Variants in ROBO1 observed in about 807,000 individuals in gnomAD.
The protein encoded by ROBO1 is roundabout guidance receptor 1.
Under a neutral mutation model 195.9 loss-of-function variants are expected in ROBO1, and 149 were observed. The observed-to-expected ratio is 0.76, with a 90% CI of 0.67 to 0.87. ROBO1 has a LOEUF of 0.87. Among genes scored for constraint, ROBO1 ranks in the 40% least tolerant of loss-of-function variants. The probability of loss-of-function intolerance (pLI) is 0.00; values close to 1 mark genes in which losing one functional copy is unlikely to be tolerated. For missense variants in ROBO1, 1,933 were observed against 2,068.3 expected (o/e 0.93, Z 1.27); for synonymous variants, 816 against 733.2 (o/e 1.11, Z -1.82).
intron 2 of ROBO1, among the ~76,000 whole-genome samples, chr3:79,454,688 A>G (rs375419886): frequency 1.3e-5 from 2 of 152,254 alleles, no homozygotes; most frequent in South Asian, 2.1e-4. Flanking sequence ...TTCTTAAACT[A>G]TAATTTTCCT....
intron 3 of ROBO1, among the ~76,000 whole-genome samples, chr3:78,957,604 A>C (rs1470510073): frequency 1.3e-5 from 2 of 152,170 alleles, no homozygotes; most frequent in Non-Finnish European, 2.9e-5. Flanking sequence ...GAAAAGCCTG[A>C]GTGAGATTAC....
intron 2 of ROBO1, among the ~76,000 whole-genome samples, chr3:79,385,043 T>C (rs890635840): frequency 2.6e-5 from 4 of 152,130 alleles, no homozygotes; most frequent in Non-Finnish European, 4.4e-5. Flanking sequence ...AAGTTAAAGT[T>C]AGCTGAATTT....
At chr3:78,963,684 A>T (rs2041523398) in intron 3 of ROBO1, among the ~76,000 whole-genome samples, 1 of 151,126 alleles carries the variant, frequency 6.6e-6, no homozygotes, top group Non-Finnish European at 1.5e-5. Flanking sequence ...CGCCTGGCTA[A>T]TTTTTTGTAT....
intron 2 of ROBO1, among the ~76,000 whole-genome samples, chr3:79,463,456 C>T (rs931730565): frequency 2.7e-5 from 4 of 150,604 alleles, no homozygotes; most frequent in Non-Finnish European, 5.9e-5. Flanking sequence ...TGTCATTACT[C>T]AAGTGATGTG....
At chr3:79,029,031 A>C (rs2078249654) in intron 3 of ROBO1, among the ~76,000 whole-genome samples, 1 of 152,054 alleles carries the variant, frequency 6.6e-6, no homozygotes, top group African/African-American at 2.4e-5. Flanking sequence ...TTCAGCTGGG[A>C]GAGTATAGTG....
chr3:79,692,144 G>C (rs1007179135), intron 1 of ROBO1, among the ~76,000 whole-genome samples: 3 of 151,794 alleles, frequency 2.0e-5, no homozygotes, highest in Admixed American at 6.6e-5. Flanking sequence ...TTGGCATAAA[G>C]AGAAAGAACA....
At chr3:79,278,631 A>T (rs2031254389) in intron 2 of ROBO1, among the ~76,000 whole-genome samples, 1 of 152,164 alleles carries the variant, frequency 6.6e-6, no homozygotes, top group Non-Finnish European at 1.5e-5. Flanking sequence ...AAAACTGAAC[A>T]TTCATATGCA....
intron 1 of ROBO1, among the ~76,000 whole-genome samples, chr3:79,646,093 G>C (rs1945814179): frequency 6.6e-6 from 1 of 151,934 alleles, no homozygotes; most frequent in Non-Finnish European, 1.5e-5. Context: ...ATTATGTCAA[G>C]CTAAAAAGCT....
At chr3:79,608,348 A>G (rs1944553466) in intron 1 of ROBO1, among the ~76,000 whole-genome samples, 1 of 151,948 alleles carries the variant, frequency 6.6e-6, no homozygotes, top group South Asian at 2.1e-4. Context: ...TTTAAATCAC[A>G]TCTCTCTTCC....
chr3:78,759,797 A>G (rs2108359316), intron 4 of ROBO1, among the ~76,000 whole-genome samples: 1 of 152,294 alleles, frequency 6.6e-6, no homozygotes, highest in East Asian at 1.9e-4. Flanking sequence ...CTGAAAATGC[A>G]CCATAGAAAG....
chr3:78,843,521 G>T (rs920796154), intron 4 of ROBO1, among the ~76,000 whole-genome samples: 9 of 151,914 alleles, frequency 5.9e-5, no homozygotes, highest in Non-Finnish European at 1.3e-4. Flanking sequence ...AGAAAAAACA[G>T]CATTTTAGCA....
chr3:78,974,396 T>A (rs1646762198), intron 3 of ROBO1, among the ~76,000 whole-genome samples: 1 of 152,126 alleles, frequency 6.6e-6, no homozygotes, highest in African/African-American at 2.4e-5. Context: ...GAAAACCGAA[T>A]CAAAACTCAT....
chr3:79,368,124 G>GA (rs2036043619), intron 2 of ROBO1, among the ~76,000 whole-genome samples: 1 of 152,052 alleles, frequency 6.6e-6, no homozygotes, highest in South Asian at 2.1e-4. Flanking sequence ...GTAGAGACAG[G>GA]ATTTCATTGT....
chr3:79,028,521 A>T (rs1329224998), intron 3 of ROBO1, among the ~76,000 whole-genome samples: 1 of 151,968 alleles, frequency 6.6e-6, no homozygotes, highest in East Asian at 1.9e-4. Context: ...GAAGGTGTGC[A>T]TAATCTGATT....
At chr3:79,369,233 C>T (rs2036096927) in intron 2 of ROBO1, among the ~76,000 whole-genome samples, 1 of 152,142 alleles carries the variant, frequency 6.6e-6, no homozygotes, top group Non-Finnish European at 1.5e-5. Flanking sequence ...TGTCTTTTTC[C>T]TTCTTCCTGC....
intron 2 of ROBO1, among the ~76,000 whole-genome samples, chr3:79,414,168 C>T (rs906122419): frequency 6.6e-6 from 1 of 151,748 alleles, no homozygotes; most frequent in Non-Finnish European, 1.5e-5. Context: ...GAACTTCACA[C>T]ATTATATTAA....
At chr3:78,929,638 G>T (rs1366600955) in intron 4 of ROBO1, among the ~76,000 whole-genome samples, 3 of 151,808 alleles carry the variant, frequency 2.0e-5, no homozygotes, top group Non-Finnish European at 4.4e-5. Flanking sequence ...GTGTAGCTGG[G>T]ATTACAGGCA....
intron 10 of ROBO1, 119 bp downstream of exon 10, chr3:78,685,627 G>T: frequency 5.0e-6 from 3 of 601,326 alleles, no homozygotes; most frequent in Non-Finnish European, 8.2e-6. Flanking sequence ...ACCCTTTTAG[G>T]TTTTACACTA....
chr3:79,240,240 G>A (rs1177567178), intron 2 of ROBO1, among the ~76,000 whole-genome samples: 1 of 151,994 alleles, frequency 6.6e-6, no homozygotes, highest in Non-Finnish European at 1.5e-5. Flanking sequence ...GTCTTTCTGT[G>A]CCTGGCTTAT....
Sources: gnomAD v4.1 joint callset for allele counts (sites outside exome capture counted in the v4.1 genomes callset) on GRCh38, gnomAD v4.1.1 for gene constraint, MANE v1.5 for transcripts, NCBI Gene and HGNC (gene_info 2026-07-23, HGNC 2026-07-21) for gene names.